The following HSPG2 variants were observed in gnomAD, a reference collection of about 807,000 sequenced individuals.
HSPG2 encodes the protein heparan sulfate proteoglycan 2.
HSPG2 carries 278 observed loss-of-function variants against 526.6 expected under a neutral mutation model. That is an observed-to-expected ratio of 0.53 (90% CI 0.48 to 0.58). HSPG2 has a LOEUF of 0.58. HSPG2 is among the 20% of genes least tolerant of loss of function. The probability of loss-of-function intolerance (pLI) is 0.00; values close to 1 mark genes in which losing one functional copy is unlikely to be tolerated. For synonymous variants in HSPG2, 2,465 were observed against 2,555.4 expected (o/e 0.96, Z 1.07); for missense variants, 5,354 against 6,099.5 (o/e 0.88, Z 4.07).
At chr1:21,866,341 C>G (rs1163103929) in intron 33 of HSPG2, among the ~76,000 whole-genome samples, 1 of 152,186 alleles carries the variant, frequency 6.6e-6, no homozygotes, top group Non-Finnish European at 1.5e-5. Flanking sequence ...ACCATGTGGT[C>G]TGAGGGCCCT....
chr1:21,899,023 G>A (rs1400601126), intron 1 of HSPG2, among the ~76,000 whole-genome samples: 2 of 152,174 alleles, frequency 1.3e-5, no homozygotes, highest in African/African-American at 4.8e-5. Context: ...CACATCTGCA[G>A]GGAGAGGGGA....
chr1:21,859,806 G>A lies in HSPG2; in HGVS notation c.5182+29C>T. 1 of 1,608,846 alleles carries A rather than the reference G, an allele frequency of 6.2e-7. No homozygotes were observed. The highest frequency in any genetic ancestry group is 1.7e-4 in the Middle Eastern group (1 of 6,034). On this transcript the variant is annotated intron_variant, in intron 41 of 96. Coordinates refer to ENST00000374695, the MANE Select transcript of HSPG2 (RefSeq NM_005529.7). The surrounding 1 kb of genome is among the most constrained non-coding windows in gnomAD (Gnocchi z 5.3). ...CTCCCCTCCCACTGGGATGGCTCTT[G>A]GGGCTGAGGAGCCTAGGGCCATGGG...
At chr1:21,936,058 C>T (rs1569758464) in intron 1 of HSPG2, among the ~76,000 whole-genome samples, 3 of 152,176 alleles carry the variant, frequency 2.0e-5, no homozygotes, top group South Asian at 4.2e-4. Context: ...TAGAAAAGTC[C>T]CTCTCTTGGC....
In HSPG2 at chr1:21,880,549, A is replaced by G. The variant is rs751385854; in HGVS notation, c.2009T>C (p.Val670Ala). The G allele has an allele frequency of 1.1e-5, 18 of 1,613,276 alleles. No homozygotes were observed. Among genetic ancestry groups the G allele is most frequent in the Non-Finnish European group, 1.4e-5 (16 of 1,179,920 alleles). Reference sequence around the variant, plus strand: ...CTGCACCGGCCGGCCAGACTCATGGACCCAGTGCTCCTGGGTATGGGTGAA... The same window carrying G: ...CTGCACCGGCCGGCCAGACTCATGGGCCCAGTGCTCCTGGGTATGGGTGAA... ...RQVQFSEEHW[V>A]HESGRPVQRA... The change falls in exon 16 of 97, where the codon GTC becomes GCC. Residue 670 changes from valine to alanine, a missense_variant. Physicochemically the swap from Val to Ala is moderately conservative, Grantham distance 64. Coordinates refer to ENST00000374695, the MANE Select transcript of HSPG2 (RefSeq NM_005529.7).
At chr1:21,835,025 A>C (rs1481616748) in intron 76 of HSPG2, 80 bp from the exon 77 acceptor site, 1 of 1,504,210 alleles carries the variant, frequency 6.6e-7, no homozygotes, top group Admixed American at 1.7e-5. Flanking sequence ...CTGCCCAAGG[A>C]AAGGTGAGCA....
intron 56 of HSPG2, 48 bp downstream of exon 56, chr1:21,850,315 G>C (rs992632118): frequency 1.2e-6 from 2 of 1,604,184 alleles, no homozygotes; most frequent in Non-Finnish European, 1.7e-6. Context: ...AGAGTGGGGG[G>C]CCTCCCACCC....
rs548683066 is a variant in HSPG2, at chr1:21,833,013, T to A, written c.11095+255A>T. The A allele has an allele frequency of 3.5e-4, 204 of 582,536 alleles. 1 individual carries two copies. Among genetic ancestry groups the A allele is most frequent in the African/African-American group, 1.8e-3 (99 of 53,758 alleles). 36.1% of individuals were successfully genotyped at this position (582,536 alleles called of 1,614,324 possible). ...GGAAAGGAAGCTGGGACAGGAGGACTGGGGGTGATGCCCCGGTGGCAGAGG... is the reference window on the plus strand; with the variant it reads ...GGAAAGGAAGCTGGGACAGGAGGACAGGGGGTGATGCCCCGGTGGCAGAGG... On this transcript the variant is annotated intron_variant, in intron 80 of 96. Transcript: ENST00000374695.
intron 1 of HSPG2, among the ~76,000 whole-genome samples, chr1:21,929,902 C>G (rs1469858579): frequency 2.0e-5 from 3 of 152,204 alleles, no homozygotes; most frequent in African/African-American, 7.2e-5. Flanking sequence ...ATCGTCTGTC[C>G]TGGGTCACGG....
intron 25 of HSPG2, among the ~76,000 whole-genome samples, 197 bp downstream of exon 25, chr1:21,875,432 G>A (rs371277453): frequency 2.6e-5 from 4 of 152,140 alleles, no homozygotes; most frequent in African/African-American, 9.6e-5. Context: ...CCCAATCCCC[G>A]TCTCAGGCTT....
chr1:21,916,606 T>C (rs1643893111), intron 1 of HSPG2, among the ~76,000 whole-genome samples: 1 of 150,508 alleles, frequency 6.6e-6, no homozygotes, highest in South Asian at 2.1e-4. Flanking sequence ...GCAGGAGAAT[T>C]GCGTGAACCC....
rs947981876 is a variant in HSPG2, at chr1:21,828,745, G to A, written c.12237+90C>T. ...GGCCCGTGGGTGGCTGCAGGTGGAG[G>A]GGCCCAATGCCAAGGTGCTTGGAGA... On this transcript the variant is annotated intron_variant, in intron 88 of 96. Coordinates refer to ENST00000374695, the MANE Select transcript of HSPG2 (RefSeq NM_005529.7). This position sits in a 1 kb window ranked among gnomAD's most constrained non-coding sequence, Gnocchi z 6.0. The A allele has an allele frequency of 6.5e-6, 10 of 1,529,612 alleles. No homozygotes were observed. The African/African-American group carries it at 1.1e-4, about 17-fold the overall frequency. The allele number at this position is 1,529,612 out of a possible 1,614,324, so 94.8% of individuals were successfully genotyped here. A position where few individuals can be genotyped will look rare whatever the true frequency, so the allele number is the denominator to read the frequency against.
At chr1:21,842,701 T>C (rs2098054080) in intron 67 of HSPG2, 69 bp downstream of exon 67, 2 of 1,598,764 alleles carry the variant, frequency 1.3e-6, no homozygotes, top group South Asian at 2.2e-5. Flanking sequence ...GCATGAGGTT[T>C]GGGTACAGAA....
intron 1 of HSPG2, among the ~76,000 whole-genome samples, chr1:21,915,446 G>T (rs1643867226): frequency 6.6e-6 from 1 of 152,240 alleles, no homozygotes; most frequent in African/African-American, 2.4e-5. Flanking sequence ...GCTGGATGAA[G>T]GCAAGTCATG....
chr1:21,873,178 G>T, intron 30 of HSPG2, 87 bp from the exon 31 acceptor site: 1 of 1,276,804 alleles, frequency 7.8e-7, no homozygotes. Flanking sequence ...CTGAGCGGGA[G>T]CTCTGATTTC....
chr1:21,842,210 C>G (rs769153157), intron 68 of HSPG2, 29 bp downstream of exon 68: 1 of 1,613,138 alleles, frequency 6.2e-7, no homozygotes, highest in Non-Finnish European at 8.5e-7. Context: ...CTCCCTTCCC[C>G]CCTTGCCCAT....
chr1:21,840,128 T>C, intron 71 of HSPG2, 111 bp from the exon 72 acceptor site: 1 of 813,400 alleles, frequency 1.2e-6, no homozygotes, highest in East Asian at 2.5e-5. Flanking sequence ...TGGTATCTAT[T>C]TATTTACTTA....
At chr1:21,929,668 T>G (rs139482088) in intron 1 of HSPG2, among the ~76,000 whole-genome samples, 3 of 150,856 alleles carry the variant, frequency 2.0e-5, no homozygotes, top group African/African-American at 7.3e-5. Context: ...GTTCTGAGAA[T>G]TCTGGACTCC....
rs3736357 is a variant in HSPG2, at chr1:21,823,764, C to T, written c.12900-45G>A. ...GGCCCCTTTCCACAAACTTCCTGGTCCTCCCCGGCCCCACGACAGAGTCCC... is the reference window on the plus strand; with the variant it reads ...GGCCCCTTTCCACAAACTTCCTGGTTCTCCCCGGCCCCACGACAGAGTCCC... On this transcript the variant is annotated intron_variant, in intron 95 of 96. Coordinates refer to ENST00000374695, the MANE Select transcript of HSPG2 (RefSeq NM_005529.7). The T allele has an allele frequency of 0.46, 684,226 of 1,479,464 alleles. 164,038 individuals carry two copies. Among genetic ancestry groups the T allele is most frequent in the East Asian group, 0.65 (28,888 of 44,262 alleles). The allele number at this position is 1,479,464 out of a possible 1,614,324, so 91.6% of individuals were successfully genotyped here. A position where few individuals can be genotyped will look rare whatever the true frequency, so the allele number is the denominator to read the frequency against.
At position 21,855,674 on chromosome 1, in the gene HSPG2, C is replaced by G; in HGVS notation, c.5703G>C (p.Gly1901=). 3.8e-6 allele frequency: 6 copies of G among 1,577,784 alleles called. No individual in the cohort carries two copies. The highest frequency in any genetic ancestry group is 5.2e-6 in the Non-Finnish European group (6 of 1,164,446). ...GSPTPTLEWT[G]GPGGQLPAKA... ...TCGCAGGGAGCTGGCCGCCGGGGCC[C>G]CCTGACGAGTAGACGTGGGGTCAGC... The change falls in exon 46 of 97, where the codon GGG becomes GGC. Residue 1901 remains glycine, a splice_region_variant and synonymous_variant. Coordinates refer to ENST00000374695, the MANE Select transcript of HSPG2 (RefSeq NM_005529.7).
Sources: gnomAD v4.1 joint callset for allele counts (sites outside exome capture counted in the v4.1 genomes callset) on GRCh38, gnomAD v4.1.1 for gene constraint, Gnocchi (gnomAD v3.1) non-coding constraint, MANE v1.5 for transcripts, NCBI Gene and HGNC (gene_info 2026-07-23, HGNC 2026-07-21) for gene names.